The following LGR5 variants were observed in gnomAD, a reference collection of about 807,000 sequenced individuals.
LGR5 encodes leucine rich repeat containing G protein-coupled receptor 5, also known as leucine-rich repeat-containing G protein-coupled receptor 5.
A neutral mutation model predicts 76.7 loss-of-function variants in LGR5; 54 were observed. The ratio of observed to expected loss-of-function variants is 0.70; its 90% CI spans 0.57 to 0.88. The LOEUF (loss-of-function observed/expected upper bound fraction) is 0.88, where lower values mean the gene tolerates loss of function less well. LGR5 is among the 40% of genes least tolerant of loss of function. The pLI is 0.00. For synonymous variants in LGR5, 406 were observed against 421.9 expected (o/e 0.96, Z 0.46); for missense variants, 1,078 against 1,073.3 (o/e 1.00, Z -0.06).
intron 1 of LGR5, among the ~76,000 whole-genome samples, chr12:71,500,438 T>C (rs1874549419): frequency 6.6e-6 from 1 of 151,822 alleles, no homozygotes; most frequent in Non-Finnish European, 1.5e-5. Flanking sequence ...GGATGAAACT[T>C]AGACATCAAC....
At chr12:71,512,946 C>A (rs1048853065) in intron 2 of LGR5, among the ~76,000 whole-genome samples, 2 of 152,098 alleles carry the variant, frequency 1.3e-5, no homozygotes, top group African/African-American at 4.8e-5. Flanking sequence ...GGATGAGAAC[C>A]CTGAGAGAGA....
At chr12:71,573,037 A>G (rs1355218679) in intron 13 of LGR5, 116 bp downstream of exon 13, 7 of 686,320 alleles carry the variant, frequency 1.0e-5, no homozygotes, top group South Asian at 4.4e-5. Flanking sequence ...TTGTGCATAT[A>G]TTTGCTATGA....
chr12:71,564,665 A>G (rs994155168), intron 8 of LGR5, among the ~76,000 whole-genome samples: 15 of 138,944 alleles, frequency 1.1e-4, no homozygotes, highest in African/African-American at 3.9e-4. Context: ...ATATATGTAC[A>G]CACACTGTAT....
At chr12:71,462,001 G>A (rs1435206876) in intron 1 of LGR5, among the ~76,000 whole-genome samples, 4 of 152,116 alleles carry the variant, frequency 2.6e-5, no homozygotes, top group African/African-American at 9.7e-5. Context: ...CTGTAAAATG[G>A]GTTAATAGAC....
intron 1 of LGR5, among the ~76,000 whole-genome samples, chr12:71,461,726 C>A (rs1368300349): frequency 5.3e-5 from 8 of 152,094 alleles, no homozygotes; most frequent in African/African-American, 1.7e-4. Flanking sequence ...CTCTTTCATC[C>A]CTTTTGAAAT....
intron 1 of LGR5, among the ~76,000 whole-genome samples, chr12:71,496,838 A>G (rs1322367505): frequency 6.6e-6 from 1 of 152,220 alleles, no homozygotes; most frequent in Non-Finnish European, 1.5e-5. Flanking sequence ...AAAAATGTCT[A>G]TAAATGATTT....
Position 71,572,894 on chromosome 12 carries a change from T to G in LGR5, c.1181T>G (p.Phe394Cys). 6.2e-7 allele frequency: 1 copy of G among 1,613,890 alleles called. No homozygotes were observed. The highest frequency in any genetic ancestry group is 8.5e-7 in the Non-Finnish European group (1 of 1,179,814). Residue 394 changes from phenylalanine (F) to cysteine (C), a missense_variant, in exon 13 of 18, where the codon TTC becomes TGC. Physicochemically the swap from Phe to Cys is radical, Grantham distance 205. Coordinates refer to ENST00000266674, the MANE Select transcript of LGR5 (RefSeq NM_003667.4). ...ATCTACGAAATTAAAGTTGACACTT[T>G]CCAGCAGTTGCTTAGCCTCCGATCG... Reference protein sequence around the residue: ...NEIYEIKVDTFQQLLSLRSLN... With the variant: ...NEIYEIKVDTCQQLLSLRSLN...
intron 2 of LGR5, among the ~76,000 whole-genome samples, chr12:71,509,754 T>C (rs1592501080): frequency 6.6e-6 from 1 of 152,138 alleles, no homozygotes; most frequent in Admixed American, 6.5e-5. Context: ...TTCCAAGTAG[T>C]ATTTTAAAAT....
intron 16 of LGR5, 21 bp from the exon 17 acceptor site, chr12:71,582,435 C>T: frequency 6.2e-7 from 1 of 1,607,534 alleles, no homozygotes; most frequent in Non-Finnish European, 8.5e-7. Context: ...ACTAATCATT[C>T]CAGGACTTCT....
At position 71,584,764 on chromosome 12, in the gene LGR5, G is replaced by A; in HGVS notation, c.*30G>A. On this transcript the variant is annotated 3_prime_UTR_variant, in exon 18 of 18. Coordinates refer to ENST00000266674, the MANE Select transcript of LGR5 (RefSeq NM_003667.4). ...TATGTGAAGGAAAATGTTTTCAAAG[G>A]TTGAGAACCTGAAAATGTGAGATTG... The A allele has an allele frequency of 3.2e-6, 5 of 1,584,308 alleles. No homozygotes were observed. The highest frequency in any genetic ancestry group is 4.3e-6 in the Non-Finnish European group (5 of 1,160,812).
Position 71,558,788 on chromosome 12 carries a change from C to G in LGR5, c.717-798C>G, listed in dbSNP as rs568282935. ...ATTCCCAGAGACCAGGAGGCAATTA[C>G]TTTTTCATACGAAGATCTAGATATA... On this transcript the variant is annotated intron_variant, in intron 6 of 17. Coordinates refer to ENST00000266674, the MANE Select transcript of LGR5 (RefSeq NM_003667.4). Among the ~76,000 whole-genome samples, 49 of 152,280 alleles carry G rather than the reference C, an allele frequency of 3.2e-4. No individual in the cohort carries two copies. The South Asian group carries it at 9.9e-3, about 31-fold the overall frequency.
intron 13 of LGR5, among the ~76,000 whole-genome samples, chr12:71,575,454 A>G (rs1263539464): frequency 6.6e-6 from 1 of 152,152 alleles, no homozygotes; most frequent in Non-Finnish European, 1.5e-5. Context: ...CACACCTGTA[A>G]TCCCAGCACT....
chr12:71,584,276 CT>C lies in LGR5; in HGVS notation c.2267del (p.Leu756ArgfsTer10), dbSNP rs750758646. 5 of 1,614,206 alleles carry C rather than the reference CT, an allele frequency of 3.1e-6. No individual in the cohort carries two copies. Among genetic ancestry groups the C allele is most frequent in the Non-Finnish European group, 4.2e-6 (5 of 1,180,032 alleles). ...KLYCNLDKGD[L>X]ENIWDCSMVK... ...CTACTGCAATTTGGACAAGGGAGAC[CT>C]GGAGAATATTTGGGACTGCTCTATG... On this transcript the variant is annotated frameshift_variant, in exon 18 of 18. Transcript: ENST00000266674. LOFTEE classifies it high-confidence loss of function.
intron 2 of LGR5, 31 bp downstream of exon 2, chr12:71,504,716 G>C: frequency 6.7e-7 from 1 of 1,488,364 alleles, no homozygotes; most frequent in Non-Finnish European, 9.4e-7. Context: ...GATGCATCCA[G>C]TCAACACTGG....
At chr12:71,446,208 TC>T (rs923170949) in intron 1 of LGR5, among the ~76,000 whole-genome samples, 4 of 152,178 alleles carry the variant, frequency 2.6e-5, no homozygotes, top group Non-Finnish European at 4.4e-5. Context: ...GAACTACTAG[TC>T]CGCAAGTACA....
intron 4 of LGR5, among the ~76,000 whole-genome samples, chr12:71,543,361 A>G (rs891706627): frequency 6.6e-5 from 10 of 152,176 alleles, no homozygotes; most frequent in African/African-American, 2.2e-4. Flanking sequence ...CATTGTCTCA[A>G]CTGAGGACTC....
chr12:71,495,229 C>T (rs1319574910), intron 1 of LGR5, among the ~76,000 whole-genome samples: 1 of 151,320 alleles, frequency 6.6e-6, no homozygotes, highest in South Asian at 2.1e-4. Context: ...TGCAGAACAT[C>T]AGAGGCAAGC....
intron 16 of LGR5, among the ~76,000 whole-genome samples, chr12:71,581,430 A>G (rs1879087963): frequency 6.6e-6 from 1 of 152,200 alleles, no homozygotes; most frequent in South Asian, 2.1e-4. Context: ...GTTTGCACAA[A>G]GTCTAAACAG....
intron 16 of LGR5, chr12:71,582,144 A>T: frequency 3.7e-6 from 1 of 270,904 alleles, no homozygotes; most frequent in Non-Finnish European, 7.2e-6. Context: ...AGAGGCCCAT[A>T]GCCTCCTCTA....
Sources: gnomAD v4.1 joint callset for allele counts (sites outside exome capture counted in the v4.1 genomes callset) on GRCh38, gnomAD v4.1.1 for gene constraint, MANE v1.5 for transcripts, NCBI Gene and HGNC (gene_info 2026-07-23, HGNC 2026-07-21) for gene names.